Variants in VWF observed in about 807,000 individuals in gnomAD.
VWF encodes the protein Factor VIII related antigen.
Under a neutral mutation model 308.6 loss-of-function variants are expected in VWF, and 176 were observed. That is an observed-to-expected ratio of 0.57 (90% CI 0.50 to 0.65). VWF has a LOEUF of 0.65. Among genes scored for constraint, VWF ranks in the 30% least tolerant of loss-of-function variants. The pLI is 0.00. For synonymous variants in VWF, 1,385 were observed against 1,443.4 expected (o/e 0.96, Z 0.92); for missense variants, 3,146 against 3,648.2 (o/e 0.86, Z 3.55).
At chr12:6,082,313 T>C (rs1944922134) in intron 6 of VWF, among the ~76,000 whole-genome samples, 1 of 152,214 alleles carries the variant, frequency 6.6e-6, no homozygotes, top group South Asian at 2.1e-4. Context: ...TATTTTAAAA[T>C]GAATCAAAAA....
At position 5,996,304 on chromosome 12, in the gene VWF, A is replaced by G; in HGVS notation, c.5843-82T>C. ...ACATGCAGACAGGCAGGTGTGACCA[A>G]GTTGCACACAGATAAATACAGTAGA... On this transcript the variant is annotated intron_variant, in intron 34 of 51. Transcript: ENST00000261405. 3 of 1,252,594 alleles carry G rather than the reference A, an allele frequency of 2.4e-6. No individual in the cohort carries two copies. The Admixed American group carries it at 5.9e-5, about 25-fold the overall frequency. 77.6% of individuals were successfully genotyped at this position (1,252,594 alleles called of 1,614,324 possible). A position where few individuals can be genotyped will look rare whatever the true frequency, so the allele number is the denominator to read the frequency against.
chr12:6,074,179 C>A (rs1944813701), intron 7 of VWF, among the ~76,000 whole-genome samples: 1 of 152,090 alleles, frequency 6.6e-6, no homozygotes, highest in Non-Finnish European at 1.5e-5. Flanking sequence ...ATCAAATGCC[C>A]CACCCAGCAC....
intron 34 of VWF, among the ~76,000 whole-genome samples, chr12:6,005,087 A>T (rs1321793121): frequency 2.0e-5 from 3 of 152,192 alleles, no homozygotes; most frequent in Non-Finnish European, 4.4e-5. Flanking sequence ...ATACAGAAAA[A>T]ACAAACATAA....
At position 6,001,949 on chromosome 12, in the gene VWF, C is replaced by T. The variant is rs562351264; in HGVS notation, c.5843-5727G>A. Among the ~76,000 whole-genome samples, 199 of 152,022 alleles carry T rather than the reference C, an allele frequency of 1.3e-3. 3 individuals are homozygous for T. Among genetic ancestry groups the T allele is most frequent in the African/African-American group, 4.4e-3 (183 of 41,492 alleles). The stretch of plus-strand genomic sequence containing the variant: ...ATTATTGTTTAAAAAGATCTTTACA[C>T]TTGGAAATTTTTTTAATTTATGATA... On this transcript the variant is annotated intron_variant, in intron 34 of 51. Transcript: ENST00000261405.
chr12:6,009,079 A>T (rs576719300), intron 34 of VWF, among the ~76,000 whole-genome samples: 25 of 152,310 alleles, frequency 1.6e-4, no homozygotes, highest in Non-Finnish European at 3.4e-4. Flanking sequence ...GCAAAAATAG[A>T]CAAGTGGGAC....
Position 5,976,100 on chromosome 12 carries a change from G to A in VWF, c.7437+11C>T. 1.2e-6 allele frequency: 2 copies of A among 1,613,486 alleles called. No individual in the cohort carries two copies. The highest frequency in any genetic ancestry group is 4.5e-5 in the East Asian group (2 of 44,854). ...ATAGCTGCAGGCATGCCCAGCCCCT[G>A]CCCCACTCACCGACCGACAGCTGTC... On this transcript the variant is annotated intron_variant, in intron 43 of 51. Transcript: ENST00000261405.
chr12:6,042,450 G>A (rs570509155), intron 18 of VWF, among the ~76,000 whole-genome samples: 17 of 152,216 alleles, frequency 1.1e-4, no homozygotes, highest in African/African-American at 2.4e-4. Flanking sequence ...CACGTGTCCC[G>A]TGCTGCAGGC....
intron 16 of VWF, among the ~76,000 whole-genome samples, chr12:6,050,952 TC>T: frequency 7.6e-6 from 1 of 132,026 alleles, no homozygotes; most frequent in South Asian, 2.3e-4. Flanking sequence ...CAAAATTCAG[TC>T]TCAAAAAAAA....
intron 10 of VWF, 123 bp from the exon 11 acceptor site, chr12:6,065,396 C>T: frequency 7.8e-7 from 1 of 1,274,618 alleles, no homozygotes; most frequent in Non-Finnish European, 1.1e-6. Flanking sequence ...GTCCTTTGCC[C>T]AAACCAGTCT....
intron 16 of VWF, among the ~76,000 whole-genome samples, chr12:6,050,593 G>A (rs2136447132): frequency 6.6e-6 from 1 of 152,256 alleles, no homozygotes; most frequent in East Asian, 1.9e-4. Flanking sequence ...ATGCGTTCAT[G>A]CCAGAGGACT....
chr12:6,111,934 G>A lies in VWF; in HGVS notation c.221-966C>T, dbSNP rs7137497. 9.9e-3 allele frequency among the ~76,000 whole-genome samples: 1,498 copies of A among 151,926 alleles called. 29 individuals carry two copies. Among genetic ancestry groups the A allele is most frequent in the African/African-American group, 0.034 (1,401 of 41,420 alleles). The stretch of plus-strand genomic sequence containing the variant: ...GATCGCGCCACTGCACTCCAGCCTG[G>A]GTGACAGAGCAAGACTCTGTCTCAA... On this transcript the variant is annotated intron_variant, in intron 3 of 51. Transcript: ENST00000261405.
Position 6,065,199 on chromosome 12 carries a change from G to A in VWF, c.1231C>T (p.Gln411Ter). ...TGGCAATCCCGGGCCAGCAGGTACT[G>A]GCAGATCCCACTGAAGGTGAAGTAT... Reference protein sequence around the residue: ...NRYFTFSGICQYLLARDCQDH... With the variant: ...NRYFTFSGIC Residue 411 changes from glutamine (Q) to a stop codon, truncating the protein, a stop_gained, in exon 11 of 52, where the codon CAG becomes TAG. Transcript: ENST00000261405. LOFTEE classifies it high-confidence loss of function. 6.2e-7 allele frequency: 1 copy of A among 1,614,176 alleles called. No individual in the cohort carries two copies. The highest frequency in any genetic ancestry group is 8.5e-7 in the Non-Finnish European group (1 of 1,180,030).
chr12:6,115,281 C>T (rs1945350397), intron 3 of VWF, among the ~76,000 whole-genome samples: 1 of 152,180 alleles, frequency 6.6e-6, no homozygotes, highest in African/African-American at 2.4e-5. Flanking sequence ...TCAAGCAATC[C>T]TCCCGCTTCA....
rs569253812 is a variant in VWF, at chr12:6,103,386, G to A, written c.532+6988C>T. Among the ~76,000 whole-genome samples, 28 of 129,286 alleles carry A rather than the reference G, an allele frequency of 2.2e-4. 1 individual carries two copies. Among genetic ancestry groups the A allele is most frequent in the Admixed American group, 1.3e-3 (17 of 13,468 alleles). The allele number at this position is 129,286 out of a possible 152,430, so 84.8% of individuals were successfully genotyped here. A position where few individuals can be genotyped will look rare whatever the true frequency, so the allele number is the denominator to read the frequency against. On this transcript the variant is annotated intron_variant, in intron 5 of 51. Transcript: ENST00000261405. ...TATATATGTGTGTGTGTGTATACAC[G>A]TGTGTGTATACACGTGTGTGTATAC...
intron 34 of VWF, among the ~76,000 whole-genome samples, chr12:6,004,295 A>G (rs1161940541): frequency 1.3e-5 from 2 of 152,256 alleles, no homozygotes; most frequent in East Asian, 1.9e-4. Flanking sequence ...ATAATATACC[A>G]TATCAATATA....
At position 6,034,062 on chromosome 12, in the gene VWF, G is replaced by A. The variant is rs147940913; in HGVS notation, c.2685+626C>T. 4.4e-3 allele frequency among the ~76,000 whole-genome samples: 671 copies of A among 152,352 alleles called. 4 individuals are homozygous for A. Among genetic ancestry groups the A allele is most frequent in the African/African-American group, 0.016 (646 of 41,580 alleles). ...AGAGGGGCTGCTGCCCACACTCACC[G>A]TGAGGATTCCTGGATCGCTCTCATC... is the stretch of plus-strand genomic sequence containing the variant. On this transcript the variant is annotated intron_variant, in intron 20 of 51. Transcript: ENST00000261405.
chr12:6,075,515 A>G lies in VWF; in HGVS notation c.694T>C (p.Ser232Pro). 1 of 1,614,152 alleles carries G rather than the reference A, an allele frequency of 6.2e-7. No homozygotes were observed. The highest frequency in any genetic ancestry group is 8.5e-7 in the Non-Finnish European group (1 of 1,180,014). Reference sequence around the variant, plus strand: ...AGAGGGTGGCAGCGGGCAAACACCGAGGTGCTCTTCAGAAGCTGGCACTGC... The same window carrying G: ...AGAGGGTGGCAGCGGGCAAACACCGGGGTGCTCTTCAGAAGCTGGCACTGC... ...WEQCQLLKST[S>P]VFARCHPLVD... is the part of the protein sequence containing the mutation. The change falls in exon 7 of 52, where the codon TCG becomes CCG. Residue 232 changes from serine to proline, a missense_variant. Ser to Pro is a moderately conservative substitution (Grantham distance 74). Transcript: ENST00000261405. This position sits in a 1 kb window ranked among gnomAD's most constrained non-coding sequence, Gnocchi z 4.7.
At chr12:6,094,879 ATTTTTTTTT>A (rs386375484) in intron 6 of VWF, among the ~76,000 whole-genome samples, 1 of 104,964 alleles carries the variant, frequency 9.5e-6, no homozygotes, top group Non-Finnish European at 1.8e-5. Context: ...TGCCCAGCTA[ATTTTTTTTT>A]TTTTTTTTTT....
chr12:6,032,927 C>T (rs570654217), intron 20 of VWF, among the ~76,000 whole-genome samples: 8 of 152,100 alleles, frequency 5.3e-5, no homozygotes, highest in South Asian at 2.1e-4. Flanking sequence ...TACACACACA[C>T]GCGCTCACGC....
Sources: allele counts gnomAD v4.1 joint callset (sites outside exome capture counted in the v4.1 genomes callset), GRCh38; gene constraint gnomAD v4.1.1; non-coding constraint Gnocchi (gnomAD v3.1); transcripts MANE v1.5; gene names NCBI Gene and HGNC (gene_info 2026-07-23, HGNC 2026-07-21).